RAB11FIP1: variants seen among roughly 807,000 people sequenced by gnomAD.
RAB11FIP1 encodes the protein RAB11 family interacting protein 1, also known as rab11 family-interacting protein 1.
RAB11FIP1 carries 49 observed loss-of-function variants against 83.1 expected under a neutral mutation model. The observed-to-expected ratio is 0.59, with a 90% confidence interval of 0.47 to 0.75. The LOEUF (loss-of-function observed/expected upper bound fraction) is 0.75, where lower values mean the gene tolerates loss of function less well. Among genes scored for constraint, RAB11FIP1 ranks in the 30% least tolerant of loss-of-function variants. The probability of loss-of-function intolerance (pLI) is 0.00; values close to 1 mark genes in which losing one functional copy is unlikely to be tolerated. For synonymous variants in RAB11FIP1, 670 were observed against 656.0 expected, an observed-to-expected ratio of 1.02 and a Z score of -0.33; for missense variants, 1,536 against 1,598.7, an observed-to-expected ratio of 0.96 and a Z score of 0.67.
rs999634001 is a variant in RAB11FIP1 at position 37,894,779 on chromosome 8, C to T, written c.371+4292G>A. Among the ~76,000 whole-genome samples, 94 of 148,224 alleles carry T rather than the reference C, an allele frequency of 6.3e-4. 1 individual carries two copies. Among genetic ancestry groups the T allele is most frequent in the African/African-American group, 2.0e-3 (82 of 40,062 alleles). ...ACATACATATTTTGAGATAGAGTTT[C>T]GTTCTTGTCGCCCAGGCTGGAATGC... On this transcript the variant is annotated intron_variant, in intron 1 of 5. Transcript: ENST00000330843.
chr8:37,898,450 C>T (rs188717723), intron 1 of RAB11FIP1, among the ~76,000 whole-genome samples: 3 of 151,864 alleles, frequency 2.0e-5, no homozygotes, highest in Non-Finnish European at 1.5e-5. Context: ...GTCAATAGTT[C>T]AAGACCATCC....
Position 37,877,524 on chromosome 8 carries a change from T to C in RAB11FIP1, c.399A>G (p.Gly133=), listed in dbSNP as rs773478499. The C allele has an allele frequency of 1.9e-6, 3 of 1,608,726 alleles. No individual in the cohort carries two copies. Among genetic ancestry groups the C allele is most frequent in the Non-Finnish European group, 2.5e-6 (3 of 1,179,682 alleles). Residue 133 remains glycine, a synonymous_variant, in exon 2 of 6, where the codon GGA becomes GGG. Coordinates refer to ENST00000330843, the MANE Select transcript of RAB11FIP1 (RefSeq NM_001002814.3). ...TTTCTCCTCGCTCCTTGTCCTTCTTTCCTGGTTTGGATTTCAACTTATACC... is the reference window on the plus strand; with the variant it reads ...TTTCTCCTCGCTCCTTGTCCTTCTTCCCTGGTTTGGATTTCAACTTATACC... ...TQWYKLKSKP[G]KKDKERGEIE...
Position 37,861,691 on chromosome 8 carries a change from C to T in RAB11FIP1, c.*1204G>A, listed in dbSNP as rs1009460755. 34 of 396,534 alleles carry T rather than the reference C, an allele frequency of 8.6e-5. No individual in the cohort carries two copies. The Admixed American group carries it at 1.2e-3, about 14-fold the overall frequency. 24.6% of individuals were successfully genotyped at this position (396,534 alleles called of 1,614,324 possible). The stretch of plus-strand genomic sequence containing the variant: ...GCAGCCTCCATCTCCCAAGTTCAAG[C>T]AATTCTCCTGCCCCAGCCTCCCGAG... On this transcript the variant is annotated 3_prime_UTR_variant, in exon 6 of 6. Coordinates refer to ENST00000330843, the MANE Select transcript of RAB11FIP1 (RefSeq NM_001002814.3).
In RAB11FIP1 at chr8:37,877,171, C is replaced by G. The variant is rs1471858594; in HGVS notation, c.752G>C (p.Gly251Ala). ...SKPEKVLLRPGDFQSQWDEDD... is the reference protein window; with the variant it reads ...SKPEKVLLRPADFQSQWDEDD... ...TTCATCCCACTGGGACTGAAAGTCT[C>G]CGGGACGAAGCAGCACTTTTTCTGG... The change falls in exon 2 of 6, where the codon GGA becomes GCA. Residue 251 changes from glycine (G) to alanine (A), a missense_variant. By Grantham distance (60) the Gly-to-Ala change is moderately conservative. Transcript: ENST00000330843. 6.2e-7 allele frequency: 1 copy of G among 1,614,134 alleles called. No individual in the cohort carries two copies. Among genetic ancestry groups the G allele is most frequent in the Non-Finnish European group, 8.5e-7 (1 of 1,180,020 alleles).
chr8:37,861,830 C>A lies in RAB11FIP1; in HGVS notation c.*1065G>T, dbSNP rs1289782903. On this transcript the variant is annotated 3_prime_UTR_variant, in exon 6 of 6. Coordinates refer to ENST00000330843, the MANE Select transcript of RAB11FIP1 (RefSeq NM_001002814.3). ...TCTCGAACTCCTGACCTCAAGTGAT[C>A]CACCCTCCTCGGCCTTGCAAAGTGC... The A allele has an allele frequency of 9.6e-6, 3 of 313,970 alleles. No homozygotes were observed. Among genetic ancestry groups the A allele is most frequent in the Non-Finnish European group, 1.2e-5 (2 of 161,682 alleles). The allele number at this position is 313,970 out of a possible 1,614,324, so 19.4% of individuals were successfully genotyped here.
Position 37,872,094 on chromosome 8 carries a change from C to T in RAB11FIP1, c.2708G>A (p.Ser903Asn), listed in dbSNP as rs1032947923. The change falls in exon 4 of 6, where the codon AGC (serine) becomes AAC (asparagine). Residue 903 changes from serine (S) to asparagine (N), a missense_variant. Physicochemically the swap from Ser to Asn is conservative, Grantham distance 46 (BLOSUM62 1). Transcript: ENST00000330843. ...SFSEVPMSEASSAKDTPLFRM... is the reference protein window; with the variant it reads ...SFSEVPMSEANSAKDTPLFRM... ...AAAGAGTGGAGTGTCTTTCGCTGAGCTTGCTTCACTCATGGGGACTTCGGA... is the reference window on the plus strand; with the variant it reads ...AAAGAGTGGAGTGTCTTTCGCTGAGTTTGCTTCACTCATGGGGACTTCGGA... The T allele has an allele frequency of 3.1e-6, 5 of 1,614,066 alleles. No homozygotes were observed. Among genetic ancestry groups the T allele is most frequent in the Non-Finnish European group, 4.2e-6 (5 of 1,180,000 alleles).
chr8:37,887,788 G>A (rs1255697274), intron 1 of RAB11FIP1, among the ~76,000 whole-genome samples: 2 of 152,176 alleles, frequency 1.3e-5, no homozygotes, highest in Non-Finnish European at 2.9e-5. Context: ...CTGGCCATAA[G>A]TCTTAGCTAT....
intron 1 of RAB11FIP1, among the ~76,000 whole-genome samples, chr8:37,886,214 G>A (rs1806831108): frequency 6.6e-6 from 1 of 152,180 alleles, no homozygotes; most frequent in African/African-American, 2.4e-5. Flanking sequence ...GCTCACCCAA[G>A]ATCACAAAGC....
chr8:37,877,236 C>T lies in RAB11FIP1; in HGVS notation c.687G>A (p.Thr229=), dbSNP rs1217311034. 1.9e-6 allele frequency: 3 copies of T among 1,614,058 alleles called. No homozygotes were observed. Among genetic ancestry groups the T allele is most frequent in the South Asian group, 1.1e-5 (1 of 91,086 alleles). ...GGACAGACATGGACTGGGAAAGAGGCGTCTTCTGCAAATTTGACTTGGAAA... is the reference window on the plus strand; with the variant it reads ...GGACAGACATGGACTGGGAAAGAGGTGTCTTCTGCAAATTTGACTTGGAAA... The part of the protein sequence containing the change: ...TLLSKSNLQK[T]PLSQSMSVLP... The change falls in exon 2 of 6, where the codon ACG becomes ACA. Residue 229 remains threonine (T), a synonymous_variant. Transcript: ENST00000330843.
At chr8:37,869,715 A>T (rs1189125771) in intron 5 of RAB11FIP1, among the ~76,000 whole-genome samples, 1 of 152,206 alleles carries the variant, frequency 6.6e-6, no homozygotes, top group Non-Finnish European at 1.5e-5. Context: ...TTTTAAAAAA[A>T]ATTATGCATA....
chr8:37,885,494 A>G (rs918762085), intron 1 of RAB11FIP1, among the ~76,000 whole-genome samples: 1 of 152,178 alleles, frequency 6.6e-6, no homozygotes, highest in Admixed American at 6.5e-5. Context: ...ACTGTGTATT[A>G]TCCAAATAGG....
chr8:37,871,986 C>A lies in RAB11FIP1; in HGVS notation c.2816G>T (p.Ser939Ile). ...DHEGLLSDPLSDLQLVSDFKS... is the reference protein window; with the variant it reads ...DHEGLLSDPLIDLQLVSDFKS... ...AAAATCTGAGACCAACTGAAGGTCA[C>A]TCAAGGGGTCAGACAATAAACCTTC... Residue 939 changes from serine to isoleucine, a missense_variant, in exon 4 of 6, where the codon AGT becomes ATT. By Grantham distance (142) the Ser-to-Ile change is moderately radical (BLOSUM62 -2). Coordinates refer to ENST00000330843, the MANE Select transcript of RAB11FIP1 (RefSeq NM_001002814.3). 9 of 1,614,190 alleles carry A rather than the reference C, an allele frequency of 5.6e-6. No individual in the cohort carries two copies. The highest frequency in any genetic ancestry group is 6.8e-6 in the Non-Finnish European group (8 of 1,180,044).
In RAB11FIP1 at chr8:37,871,360, G is replaced by A. The variant is rs1158589783; in HGVS notation, c.3442C>T (p.Leu1148Phe). ...RVENFGKRKP[L>F]LQAWVSPSET... Reference sequence around the variant, plus strand: ...GAGGGTGAGACCCAGGCCTGGAGGAGTGGCTTCCTCTTGCCAAAATTTTCA... The same window carrying A: ...GAGGGTGAGACCCAGGCCTGGAGGAATGGCTTCCTCTTGCCAAAATTTTCA... Residue 1148 changes from leucine to phenylalanine, a missense_variant, in exon 4 of 6, where the codon CTC becomes TTC. Transcript: ENST00000330843. 6.2e-7 allele frequency: 1 copy of A among 1,614,244 alleles called. No individual in the cohort carries two copies.
intron 1 of RAB11FIP1, among the ~76,000 whole-genome samples, chr8:37,892,425 A>ATATTTATTTATTTATT (rs146042883): frequency 2.1e-5 from 3 of 144,104 alleles, no homozygotes; most frequent in African/African-American, 7.6e-5. Flanking sequence ...ACTTTTATTT[A>ATATTTATTTATTTATT]TATTTATTTA....
At position 37,862,261 on chromosome 8, in the gene RAB11FIP1, T is replaced by G. The variant is rs1460020659; in HGVS notation, c.*634A>C. ...AAGGCTAGAGAGTAGTAGAAGTCGATGTTTAGAAAAGGCCGCTTGTTCAAA... is the reference window on the plus strand; with the variant it reads ...AAGGCTAGAGAGTAGTAGAAGTCGAGGTTTAGAAAAGGCCGCTTGTTCAAA... On this transcript the variant is annotated 3_prime_UTR_variant, in exon 6 of 6. Transcript: ENST00000330843. 1 of 152,504 alleles carries G rather than the reference T, an allele frequency of 6.6e-6. No individual in the cohort carries two copies. Among genetic ancestry groups the G allele is most frequent in the Non-Finnish European group, 1.5e-5 (1 of 68,216 alleles). The allele number at this position is 152,504 out of a possible 1,614,324, so 9.4% of individuals were successfully genotyped here.
intron 1 of RAB11FIP1, among the ~76,000 whole-genome samples, chr8:37,883,454 G>A (rs768760204): frequency 1.3e-5 from 2 of 152,216 alleles, no homozygotes; most frequent in African/African-American, 4.8e-5. Flanking sequence ...ACAGGCGTGA[G>A]CCACTGTGCC....
rs199682471 is a variant in RAB11FIP1, at chr8:37,872,704, C to G, written c.2098G>C (p.Gly700Arg). ...EESLPEQPET[G>R]RQEEELPRFP... ...CTCGGAAGTTCTTCCTCTTGTCGCC[C>G]TGTTTCAGGCTGCTCTGGGAGAGAC... Residue 700 changes from glycine to arginine, a missense_variant, in exon 4 of 6, where the codon GGG becomes CGG. Transcript: ENST00000330843. 361 of 1,614,158 alleles carry G rather than the reference C, an allele frequency of 2.2e-4. 3 individuals carry two copies. In the East Asian group the frequency reaches 8.0e-3, roughly 36 times the overall value.
intron 1 of RAB11FIP1, 156 bp from the exon 2 acceptor site, chr8:37,877,707 A>ATTT: frequency 2.4e-6 from 1 of 415,400 alleles, no homozygotes; most frequent in South Asian, 3.7e-5. Flanking sequence ...ATGAGAGCAG[A>ATTT]ATTTTTTTTT....
intron 5 of RAB11FIP1, among the ~76,000 whole-genome samples, chr8:37,869,895 T>G (rs1806416036): frequency 6.6e-6 from 1 of 152,130 alleles, no homozygotes; most frequent in Admixed American, 6.5e-5. Context: ...TGAAATTATT[T>G]CAAAATAATG....
Sources: gnomAD v4.1 joint callset for allele counts (sites outside exome capture counted in the v4.1 genomes callset) on GRCh38, gnomAD v4.1.1 for gene constraint, MANE v1.5 for transcripts, NCBI Gene and HGNC (gene_info 2026-07-23, HGNC 2026-07-21) for gene names.